The following PLCB1 variants were observed in gnomAD, a reference collection of about 807,000 sequenced individuals.
The protein encoded by PLCB1 is phospholipase C beta 1, also known as 1-phosphatidylinositol 4,5-bisphosphate phosphodiesterase beta-1.
PLCB1 carries 46 observed loss-of-function variants against 161.8 expected under a neutral mutation model. The ratio of observed to expected loss-of-function variants is 0.28; its 90% CI spans 0.22 to 0.36. The LOEUF (loss-of-function observed/expected upper bound fraction) is 0.36, where lower values mean the gene tolerates loss of function less well. PLCB1 is among the 10% of genes least tolerant of loss of function. PLCB1 has a pLI of 1.00. For missense variants in PLCB1, 1,016 were observed against 1,472.5 expected (o/e 0.69, Z 5.07); for synonymous variants, 517 against 503.7 (o/e 1.03, Z -0.35).
At chr20:8,750,299 C>T (rs1981388662) in intron 23 of PLCB1, among the ~76,000 whole-genome samples, 1 of 152,102 alleles carries the variant, frequency 6.6e-6, no homozygotes, top group Non-Finnish European at 1.5e-5. Flanking sequence ...TGAAGAAGCT[C>T]AAAAAACTGA....
At chr20:8,382,236 T>G (rs1324939324) in intron 3 of PLCB1, among the ~76,000 whole-genome samples, 1 of 151,986 alleles carries the variant, frequency 6.6e-6, no homozygotes, top group East Asian at 1.9e-4. Flanking sequence ...CAGGAGCAGG[T>G]TGTTCAATTT....
chr20:8,395,234 C>T (rs1987735409), intron 3 of PLCB1, among the ~76,000 whole-genome samples: 1 of 152,018 alleles, frequency 6.6e-6, no homozygotes, highest in African/African-American at 2.4e-5. Context: ...TAAATCTCTA[C>T]TGTCGAAAGC....
chr20:8,806,762 A>G (rs1984558405), intron 31 of PLCB1, among the ~76,000 whole-genome samples: 1 of 152,110 alleles, frequency 6.6e-6, no homozygotes, highest in Non-Finnish European at 1.5e-5. Flanking sequence ...TTAAATATTT[A>G]TGAAGCCCTA....
intron 1 of PLCB1, among the ~76,000 whole-genome samples, chr20:8,141,104 G>A (rs936072777): frequency 1.3e-5 from 2 of 152,114 alleles, no homozygotes; most frequent in Admixed American, 6.6e-5. Flanking sequence ...CCAACAAAAA[G>A]CTTTTAATAG....
intron 17 of PLCB1, among the ~76,000 whole-genome samples, chr20:8,727,697 T>C (rs960269558): frequency 1.3e-5 from 2 of 152,068 alleles, no homozygotes; most frequent in Admixed American, 6.6e-5. Context: ...GAAATAATTA[T>C]ACTAGCTTTA....
chr20:8,363,893 T>C (rs1986622641), intron 2 of PLCB1, among the ~76,000 whole-genome samples: 1 of 152,218 alleles, frequency 6.6e-6, no homozygotes, highest in African/African-American at 2.4e-5. Flanking sequence ...GACAGTATTA[T>C]TGCAAAGACT....
At chr20:8,786,691 G>GT (rs539647446) in intron 27 of PLCB1, among the ~76,000 whole-genome samples, 36,419 of 141,324 alleles carry the variant, frequency 0.26, 4,950 homozygotes, top group South Asian at 0.36. Flanking sequence ...AATCTTTTTT[G>GT]TTTTTTTTTT....
At chr20:8,764,684 C>A (rs2123584212) in intron 25 of PLCB1, among the ~76,000 whole-genome samples, 1 of 152,276 alleles carries the variant, frequency 6.6e-6, no homozygotes, top group South Asian at 2.1e-4. Flanking sequence ...AGCTTGCCTT[C>A]TTGCCTCAAG....
At chr20:8,681,548 C>T (rs1258799386) in intron 9 of PLCB1, among the ~76,000 whole-genome samples, 1 of 152,124 alleles carries the variant, frequency 6.6e-6, no homozygotes, top group African/African-American at 2.4e-5. Context: ...TATTAGATTG[C>T]ACAGTTATTT....
chr20:8,390,340 A>T (rs6055788), intron 3 of PLCB1, among the ~76,000 whole-genome samples: 13,327 of 152,182 alleles, frequency 0.088, 791 homozygotes, highest in African/African-American at 0.16. Context: ...ATAAGGAACA[A>T]GTTGTATTGC....
intron 3 of PLCB1, among the ~76,000 whole-genome samples, chr20:8,438,605 T>G (rs1980412137): frequency 6.6e-6 from 1 of 152,230 alleles, no homozygotes; most frequent in African/African-American, 2.4e-5. Context: ...TATCTGTGAA[T>G]GCAAGCCACA....
chr20:8,524,300 C>T lies in PLCB1; in HGVS notation c.247-103994C>T, dbSNP rs78951095. Among the ~76,000 whole-genome samples the T allele has an allele frequency of 8.0e-3, 1,215 of 152,042 alleles. 16 individuals are homozygous for T. Among genetic ancestry groups the T allele is most frequent in the African/African-American group, 0.028 (1,143 of 41,472 alleles). On this transcript the variant is annotated intron_variant, in intron 3 of 31. Coordinates refer to ENST00000338037, the MANE Select transcript of PLCB1 (RefSeq NM_015192.4). The stretch of plus-strand genomic sequence containing the variant: ...TCAATAAATCATGAAAAAAATGAAC[C>T]TCCTGGGTTTTGTTTTGTTTTTTCC...
At chr20:8,558,737 T>G (rs1173160880) in intron 3 of PLCB1, among the ~76,000 whole-genome samples, 1 of 151,890 alleles carries the variant, frequency 6.6e-6, no homozygotes, top group Non-Finnish European at 1.5e-5. Flanking sequence ...AATTAATAAC[T>G]GATTTCTTAT....
chr20:8,506,055 C>A (rs2122830893), intron 3 of PLCB1, among the ~76,000 whole-genome samples: 1 of 152,264 alleles, frequency 6.6e-6, no homozygotes, highest in Non-Finnish European at 1.5e-5. Flanking sequence ...CTGTGCACTT[C>A]CCCAGTTTCT....
At chr20:8,642,843 C>A (rs1988999991) in intron 4 of PLCB1, among the ~76,000 whole-genome samples, 4 of 152,168 alleles carry the variant, frequency 2.6e-5, no homozygotes, top group Admixed American at 2.0e-4. Flanking sequence ...CTGTATCTTG[C>A]CCTCAGTTAT....
chr20:8,688,432 A>G (rs1024170164), intron 10 of PLCB1, among the ~76,000 whole-genome samples: 1 of 152,164 alleles, frequency 6.6e-6, no homozygotes, highest in Non-Finnish European at 1.5e-5. Flanking sequence ...GCCAATGTCT[A>G]GAAGGGTTTT....
At chr20:8,303,235 T>C (rs1178873709) in intron 2 of PLCB1, among the ~76,000 whole-genome samples, 1 of 152,240 alleles carries the variant, frequency 6.6e-6, no homozygotes, top group Non-Finnish European at 1.5e-5. Flanking sequence ...ATTCTTTGTA[T>C]AGATCCGGGG....
intron 2 of PLCB1, among the ~76,000 whole-genome samples, chr20:8,293,465 T>A (rs1305224102): frequency 6.6e-6 from 1 of 152,024 alleles, no homozygotes; most frequent in Admixed American, 6.6e-5. Context: ...AGTAAAAAAA[T>A]TTAACAAAAT....
At chr20:8,764,387 C>T (rs1568589958) in intron 25 of PLCB1, among the ~76,000 whole-genome samples, 1 of 152,172 alleles carries the variant, frequency 6.6e-6, no homozygotes, top group Non-Finnish European at 1.5e-5. Context: ...TAAGCCTCCA[C>T]AGGCACAGTG....
Sources: gnomAD v4.1 joint callset for allele counts (sites outside exome capture counted in the v4.1 genomes callset) on GRCh38, gnomAD v4.1.1 for gene constraint, MANE v1.5 for transcripts, NCBI Gene and HGNC (gene_info 2026-07-23, HGNC 2026-07-21) for gene names.